N4BP1: variants seen among roughly 807,000 people sequenced by gnomAD.
The protein encoded by N4BP1 is NEDD4 binding protein 1.
In N4BP1, 21 loss-of-function variants were observed where a neutral mutation model predicts 70.9. The ratio of observed to expected loss-of-function variants is 0.30; its 90% CI spans 0.21 to 0.43. The LOEUF is 0.43. Ranked by LOEUF, N4BP1 falls within the 20% of genes least tolerant of loss-of-function variation. The pLI, the probability that N4BP1 is intolerant of heterozygous loss-of-function variation, is 1.00. For synonymous variants in N4BP1, 387 were observed against 394.6 expected (o/e 0.98, Z 0.23); for missense variants, 936 against 1,069.4 (o/e 0.88, Z 1.74).
intron 1 of N4BP1, among the ~76,000 whole-genome samples, chr16:48,599,618 T>C (rs1475734966): frequency 6.6e-6 from 1 of 152,262 alleles, no homozygotes; most frequent in African/African-American, 2.4e-5. Flanking sequence ...GCTTGCTATA[T>C]GCTCACTTTT....
chr16:48,603,578 T>C (rs1348159257), intron 1 of N4BP1: 2 of 152,208 alleles, frequency 1.3e-5, no homozygotes, highest in African/African-American at 4.8e-5. Flanking sequence ...GACCCCAGCA[T>C]AGCACTAGCT....
At chr16:48,581,112 C>T (rs1340472936) in intron 1 of N4BP1, among the ~76,000 whole-genome samples, 1 of 151,906 alleles carries the variant, frequency 6.6e-6, no homozygotes, top group African/African-American at 2.4e-5. Flanking sequence ...CCAAGGAATG[C>T]AAGGATGGCT....
intron 1 of N4BP1, among the ~76,000 whole-genome samples, chr16:48,584,692 T>C (rs1765176228): frequency 6.6e-6 from 1 of 152,102 alleles, no homozygotes; most frequent in South Asian, 2.1e-4. Context: ...GGAGGATCAT[T>C]TGAGCCCAGG....
At chr16:48,595,615 T>C (rs1430384742) in intron 1 of N4BP1, among the ~76,000 whole-genome samples, 1 of 152,220 alleles carries the variant, frequency 6.6e-6, no homozygotes, top group Non-Finnish European at 1.5e-5. Context: ...TTTTAACTTA[T>C]GGTGATATAG....
intron 1 of N4BP1, among the ~76,000 whole-genome samples, chr16:48,595,472 AAAAAAAAG>A (rs1202692421): frequency 2.1e-4 from 31 of 150,590 alleles, no homozygotes; most frequent in African/African-American, 7.4e-4. Context: ...AAAAAAAAAA[AAAAAAAAG>A]AAAGAAAACT....
chr16:48,575,846 G>A (rs975556396), intron 1 of N4BP1, among the ~76,000 whole-genome samples: 1 of 152,182 alleles, frequency 6.6e-6, no homozygotes, highest in African/African-American at 2.4e-5. Flanking sequence ...TACCATGGGG[G>A]TAGGTATGAC....
intron 1 of N4BP1, among the ~76,000 whole-genome samples, chr16:48,574,610 C>T (rs1435841398): frequency 6.6e-6 from 1 of 152,076 alleles, no homozygotes. Context: ...AATTTTTTGT[C>T]ATTTTTTAAA....
intron 4 of N4BP1, among the ~76,000 whole-genome samples, chr16:48,549,320 G>T (rs550933801): frequency 2.0e-5 from 3 of 152,208 alleles, no homozygotes; most frequent in Non-Finnish European, 4.4e-5. Context: ...GGTGTGAGTT[G>T]TAAGTGGTAA....
intron 1 of N4BP1, among the ~76,000 whole-genome samples, chr16:48,592,610 A>G (rs908540807): frequency 9.2e-5 from 14 of 152,222 alleles, no homozygotes; most frequent in African/African-American, 3.4e-4. Context: ...CTTAAATCAG[A>G]TATTTTGTCA....
chr16:48,566,629 G>A (rs1963947171), intron 1 of N4BP1, among the ~76,000 whole-genome samples: 1 of 152,094 alleles, frequency 6.6e-6, no homozygotes, highest in African/African-American at 2.4e-5. Context: ...CCCAGGATAA[G>A]GTCTATCTTG....
intron 1 of N4BP1, among the ~76,000 whole-genome samples, chr16:48,577,078 A>G (rs1864199231): frequency 6.6e-6 from 1 of 152,140 alleles, no homozygotes; most frequent in Non-Finnish European, 1.5e-5. Context: ...ACTTTTTGAA[A>G]AAGGTAGCCC....
Position 48,594,382 on chromosome 16 carries a change from T to A in N4BP1, c.198+15393A>T, listed in dbSNP as rs145669910. On this transcript the variant is annotated intron_variant, in intron 1 of 6. Transcript: ENST00000262384. ...CCAGTGTTGCTTTTTTGAGACAAGG[T>A]CTTGCTCTGTTGCCCAGGCTGGAGT... Among the ~76,000 whole-genome samples, 1,290 of 152,302 alleles carry A rather than the reference T, an allele frequency of 8.5e-3. 15 individuals carry two copies. The highest frequency in any genetic ancestry group is 0.03 in the African/African-American group (1,231 of 41,564).
chr16:48,573,398 C>T (rs918744241), intron 1 of N4BP1, among the ~76,000 whole-genome samples: 1 of 152,106 alleles, frequency 6.6e-6, no homozygotes, highest in African/African-American at 2.4e-5. Context: ...TCAAGACCAG[C>T]CTGGCCAACA....
At chr16:48,586,486 C>A (rs530294928) in intron 1 of N4BP1, among the ~76,000 whole-genome samples, 5 of 152,114 alleles carry the variant, frequency 3.3e-5, no homozygotes, top group Non-Finnish European at 7.3e-5. Flanking sequence ...CGTAACTACA[C>A]GATTAGTTTA....
At chr16:48,544,186 T>C (rs1021955403) in intron 6 of N4BP1, among the ~76,000 whole-genome samples, 1 of 152,208 alleles carries the variant, frequency 6.6e-6, no homozygotes, top group South Asian at 2.1e-4. Context: ...TAGAAAAGCA[T>C]GGCATTTGGG....
At chr16:48,543,315 T>C (rs1963536489) in intron 6 of N4BP1, 54 bp from the exon 7 acceptor site, 39 of 1,371,628 alleles carry the variant, frequency 2.8e-5, no homozygotes, top group Non-Finnish European at 3.5e-5. Context: ...CAAAAAATCA[T>C]AGAGCTATTT....
rs553711714 is a variant in N4BP1, at chr16:48,566,651, G to T, written c.199-4207C>A. ...TAAGGTCTATCTTGATAGTTCTATG[G>T]GTGCTCATAAAGAATGTGTACTCTG... On this transcript the variant is annotated intron_variant, in intron 1 of 6. Transcript: ENST00000262384. 2.6e-5 allele frequency among the ~76,000 whole-genome samples: 4 copies of T among 152,182 alleles called. No homozygotes were observed. The South Asian group carries it at 8.3e-4, about 32-fold the overall frequency.
intron 1 of N4BP1, among the ~76,000 whole-genome samples, chr16:48,584,105 G>A (rs995352046): frequency 6.6e-6 from 1 of 152,206 alleles, no homozygotes; most frequent in African/African-American, 2.4e-5. Context: ...TGCACCCTCT[G>A]TATACATGAA....
chr16:48,597,414 A>G (rs983235624), intron 1 of N4BP1, among the ~76,000 whole-genome samples: 21 of 152,214 alleles, frequency 1.4e-4, no homozygotes, highest in African/African-American at 5.1e-4. Flanking sequence ...ACTTAGACCT[A>G]CTTCCTTGTA....
Sources: allele counts gnomAD v4.1 joint callset (sites outside exome capture counted in the v4.1 genomes callset), GRCh38; gene constraint gnomAD v4.1.1; transcripts MANE v1.5; gene names NCBI Gene and HGNC (gene_info 2026-07-23, HGNC 2026-07-21).